DNMBP: variants seen among roughly 807,000 people sequenced by gnomAD.
DNMBP encodes the protein dynamin-binding protein.
DNMBP carries 87 observed loss-of-function variants against 150.0 expected under a neutral mutation model. That is an observed-to-expected ratio of 0.58 (90% CI 0.49 to 0.69). The LOEUF (loss-of-function observed/expected upper bound fraction) is 0.69, where lower values mean the gene tolerates loss of function less well. Among genes scored for constraint, DNMBP ranks in the 30% least tolerant of loss-of-function variants. The pLI is 0.00. For synonymous variants in DNMBP, 711 were observed against 750.4 expected (o/e 0.95, Z 0.86); for missense variants, 1,774 against 1,949.0 (o/e 0.91, Z 1.69).
chr10:99,994,104 T>G (rs1272506478), intron 1 of DNMBP, among the ~76,000 whole-genome samples: 2 of 152,192 alleles, frequency 1.3e-5, no homozygotes, highest in Non-Finnish European at 2.9e-5. Context: ...GCTACTGAAT[T>G]GTATTAAGTA....
At chr10:99,906,249 G>A (rs984517768) in intron 6 of DNMBP, among the ~76,000 whole-genome samples, 1 of 152,102 alleles carries the variant, frequency 6.6e-6, no homozygotes, top group African/African-American at 2.4e-5. Flanking sequence ...CAGCTTAGCT[G>A]CATGCATGTC....
intron 3 of DNMBP, among the ~76,000 whole-genome samples, chr10:99,963,281 A>C (rs2040583178): frequency 6.6e-6 from 1 of 151,248 alleles, no homozygotes; most frequent in African/African-American, 2.4e-5. Context: ...TTGTTGCCCA[A>C]GCTGGCCTCA....
intron 4 of DNMBP, chr10:99,930,991 G>A (rs1465507634): frequency 2.3e-6 from 1 of 438,942 alleles, no homozygotes; most frequent in Non-Finnish European, 4.0e-6. Flanking sequence ...GAGGCCAGAA[G>A]ATAATGAGTA....
intron 4 of DNMBP, chr10:99,928,163 C>T (rs2040103703): frequency 1.3e-5 from 2 of 152,112 alleles, no homozygotes; most frequent in Non-Finnish European, 2.9e-5. Flanking sequence ...TTTATAGGTG[C>T]AGGTTAAGAG....
At position 99,877,260 on chromosome 10, in the gene DNMBP, A is replaced by G; in HGVS notation, c.4625T>C (p.Ile1542Thr). ...LSVSANQKLK[I>T]LEFKDVTGNT... The stretch of plus-strand genomic sequence containing the variant: ...TCCTGTAACATCTTTAAACTCGAGG[A>G]TCTTGAGTTTCTGATTGGCTGACAC... Residue 1542 changes from isoleucine (I) to threonine (T), a missense_variant, in exon 17 of 17, where the codon ATC becomes ACC. Around this residue, in one of 2 missense-constraint regions of DNMBP, gnomAD observed 1,430 missense variants for 1,492.5 expected, o/e 0.96. Transcript: ENST00000324109. 1 of 1,613,830 alleles carries G rather than the reference A, an allele frequency of 6.2e-7. No homozygotes were observed. The highest frequency in any genetic ancestry group is 8.5e-7 in the Non-Finnish European group (1 of 1,179,942).
At position 99,908,975 on chromosome 10, in the gene DNMBP, A is replaced by C; in HGVS notation, c.2432T>G (p.Met811Arg). 2 of 1,613,922 alleles carry C rather than the reference A, an allele frequency of 1.2e-6. No individual in the cohort carries two copies. Among genetic ancestry groups the C allele is most frequent in the Non-Finnish European group, 1.7e-6 (2 of 1,179,916 alleles). Residue 811 changes from methionine (M) to arginine (R), a missense_variant, in exon 5 of 17, where the codon ATG becomes AGG. Transcript: ENST00000324109. ...CACCTGTGCCTGCTGCATGGGTACC[A>C]TGATCCGCTCAATACACATTTCCAG... The part of the protein sequence containing the change: ...RDLEMCIERI[M>R]VPMQQAQVPN...
In DNMBP at chr10:99,957,221, G is replaced by T. The variant is rs2040510904; in HGVS notation, c.269-16C>A. Reference sequence around the variant, plus strand: ...ACCAGGTCACCTAAAGAAAAGAGGAGCAGAGATGGTGACCTCAGTCATCAC... The same window carrying T: ...ACCAGGTCACCTAAAGAAAAGAGGATCAGAGATGGTGACCTCAGTCATCAC... On this transcript the variant is annotated splice_polypyrimidine_tract_variant and intron_variant, in intron 3 of 16. Coordinates refer to ENST00000324109, the MANE Select transcript of DNMBP (RefSeq NM_015221.4). 3.1e-6 allele frequency: 5 copies of T among 1,593,038 alleles called. No individual in the cohort carries two copies. The South Asian group carries it at 5.5e-5, about 18-fold the overall frequency.
chr10:99,892,143 G>C (rs1267281235), intron 11 of DNMBP, among the ~76,000 whole-genome samples: 1 of 137,930 alleles, frequency 7.3e-6, no homozygotes, highest in Non-Finnish European at 1.6e-5. Context: ...CCCTCTGCCC[G>C]GCCAGCCGCC....
chr10:99,902,039 ACAC>A (rs1379791027), intron 6 of DNMBP, among the ~76,000 whole-genome samples: 24 of 151,772 alleles, frequency 1.6e-4, no homozygotes, highest in Non-Finnish European at 3.2e-4. Context: ...AGTAGCTGGG[ACAC>A]CACCACACCT....
intron 4 of DNMBP, among the ~76,000 whole-genome samples, chr10:99,944,432 T>C (rs1302716992): frequency 1.3e-5 from 2 of 152,144 alleles, no homozygotes; most frequent in Non-Finnish European, 2.9e-5. Flanking sequence ...TAATATGTAC[T>C]GGGAAACCTG....
At chr10:99,907,958 T>C in intron 6 of DNMBP, 37 bp downstream of exon 6, 1 of 1,566,472 alleles carries the variant, frequency 6.4e-7, no homozygotes, top group Non-Finnish European at 8.8e-7. Flanking sequence ...GAAGTTTTTT[T>C]AAAAAGCTGC....
chr10:99,898,141 A>G lies in DNMBP; in HGVS notation c.2865T>C (p.Leu955=). 1 of 1,614,058 alleles carries G rather than the reference A, an allele frequency of 6.2e-7. No homozygotes were observed. Among genetic ancestry groups the G allele is most frequent in the Non-Finnish European group, 8.5e-7 (1 of 1,180,026 alleles). ...TGTTAACGTTGATTTCCTTGACCGC[A>G]AGGACTGCATTGGTTAAAGGCACTT... ...PDKVPLTNAV[L]AVKEINVNIN... The change falls in exon 9 of 17, where the codon CTT becomes CTC. Residue 955 remains leucine, a synonymous_variant. Transcript: ENST00000324109.
At chr10:99,900,201 A>C (rs2039718734) in intron 6 of DNMBP, 135 bp from the exon 7 acceptor site, 1 of 830,634 alleles carries the variant, frequency 1.2e-6, no homozygotes, top group African/African-American at 1.7e-5. Context: ...ACTATCCATC[A>C]AATAGTAAGA....
chr10:99,992,035 A>C (rs1564757049), intron 1 of DNMBP, among the ~76,000 whole-genome samples: 1 of 151,974 alleles, frequency 6.6e-6, no homozygotes, highest in Non-Finnish European at 1.5e-5. Flanking sequence ...TCAGGAGTTC[A>C]AGACCAGCCT....
At chr10:99,999,143 G>A (rs545756320) in intron 1 of DNMBP, among the ~76,000 whole-genome samples, 4 of 152,156 alleles carry the variant, frequency 2.6e-5, no homozygotes, top group African/African-American at 9.6e-5. Context: ...AGTTAGTCTC[G>A]CATACCCTGA....
In DNMBP at chr10:99,879,994, A is replaced by C. The variant is rs2039338938; in HGVS notation, c.4365T>G (p.Asp1455Glu). 6.2e-7 allele frequency: 1 copy of C among 1,614,050 alleles called. No homozygotes were observed. The highest frequency in any genetic ancestry group is 1.3e-5 in the African/African-American group (1 of 74,918). ...TCGGCGTGGCAGTGGGTTGCTTTAC[A>C]TCTCTAGCTACATCTGCAGAGTCCC... ...RSGDSADVAR[D>E]VKQPTATPRS... Residue 1455 changes from aspartate (D) to glutamate (E), a missense_variant, in exon 16 of 17, where the codon GAT becomes GAG. This residue lies in a region of DNMBP where 1,430 missense variants were observed against 1,492.5 expected (regional missense o/e 0.96). Transcript: ENST00000324109.
At chr10:99,988,914 G>A (rs1289823872) in intron 1 of DNMBP, among the ~76,000 whole-genome samples, 5 of 152,034 alleles carry the variant, frequency 3.3e-5, no homozygotes, top group African/African-American at 4.8e-5. Context: ...TGTCTGCCTC[G>A]GCCTCCCAAA....
Position 99,956,109 on chromosome 10 carries a change from G to C in DNMBP, c.1365C>G (p.Asp455Glu). The C allele has an allele frequency of 6.2e-7, 1 of 1,614,180 alleles. No individual in the cohort carries two copies. The highest frequency in any genetic ancestry group is 8.5e-7 in the Non-Finnish European group (1 of 1,180,024). ...DLLPLEARTR[D>E]YASLPPKRMY... is the part of the protein sequence containing the mutation. ...TTCTTTTGGGAGGTAGGCTGGCATA[G>C]TCTCTAGTCCTTGCTTCTAGGGGAA... Residue 455 changes from aspartate (D) to glutamate (E), a missense_variant, in exon 4 of 17, where the codon GAC becomes GAG. Asp to Glu is a conservative substitution (Grantham distance 45, BLOSUM62 2). Coordinates refer to ENST00000324109, the MANE Select transcript of DNMBP (RefSeq NM_015221.4).
chr10:99,936,731 G>A (rs1389332635), intron 4 of DNMBP, among the ~76,000 whole-genome samples: 1 of 152,062 alleles, frequency 6.6e-6, no homozygotes, highest in African/African-American at 2.4e-5. Context: ...TGGAGTTAGG[G>A]TCTTGCTCTG....
Sources: gnomAD v4.1 joint callset for allele counts (sites outside exome capture counted in the v4.1 genomes callset) on GRCh38, gnomAD v4.1.1 for gene constraint, gnomAD v4.1.1 regional missense constraint, MANE v1.5 for transcripts, NCBI Gene and HGNC (gene_info 2026-07-23, HGNC 2026-07-21) for gene names.